Variants in THRB observed in about 807,000 individuals in gnomAD.
THRB encodes nuclear receptor subfamily 1 group A member 2.
Under a neutral mutation model 47.8 loss-of-function variants are expected in THRB, and 12 were observed. The ratio of observed to expected loss-of-function variants is 0.25; its 90% CI spans 0.16 to 0.41. The LOEUF (loss-of-function observed/expected upper bound fraction) is 0.41, where lower values mean the gene tolerates loss of function less well. Ranked by LOEUF, THRB falls within the 10% of genes least tolerant of loss-of-function variation. The probability of loss-of-function intolerance (pLI) is 1.00; values close to 1 mark genes in which losing one functional copy is unlikely to be tolerated. For synonymous variants in THRB, 218 were observed against 212.2 expected (o/e 1.03, Z -0.24); for missense variants, 348 against 589.2 (o/e 0.59, Z 4.24).
At chr3:24,444,255 T>G (rs1471494546) in intron 1 of THRB, among the ~76,000 whole-genome samples, 6 of 152,166 alleles carry the variant, frequency 3.9e-5, no homozygotes, top group Admixed American at 3.9e-4. Context: ...CATTTTTTGA[T>G]TATAATATAA....
intron 2 of THRB, among the ~76,000 whole-genome samples, chr3:24,297,857 G>A (rs2056578259): frequency 6.6e-6 from 1 of 152,172 alleles, no homozygotes; most frequent in African/African-American, 2.4e-5. Context: ...AAATGCCTCA[G>A]GTGATTCCAA....
chr3:24,359,705 T>A (rs2063938089), intron 1 of THRB, among the ~76,000 whole-genome samples: 1 of 152,130 alleles, frequency 6.6e-6, no homozygotes, highest in Non-Finnish European at 1.5e-5. Flanking sequence ...AAACTATAAG[T>A]ATTTTATTTT....
chr3:24,349,691 A>G (rs893068558), intron 1 of THRB, among the ~76,000 whole-genome samples: 1 of 152,120 alleles, frequency 6.6e-6, no homozygotes, highest in African/African-American at 2.4e-5. Flanking sequence ...AGGAAAATCA[A>G]TCCCAGGTGG....
chr3:24,184,957 A>C (rs2042382687), intron 5 of THRB, among the ~76,000 whole-genome samples: 1 of 152,242 alleles, frequency 6.6e-6, no homozygotes, highest in Non-Finnish European at 1.5e-5. Flanking sequence ...ATGAAGGATT[A>C]TAATGCACAC....
chr3:24,122,226 G>C lies in THRB; in HGVS notation c.*658C>G, dbSNP rs2031816868. 6.5e-6 allele frequency: 1 copy of C among 153,600 alleles called. No homozygotes were observed. The highest frequency in any genetic ancestry group is 2.4e-5 in the African/African-American group (1 of 41,444). 9.5% of individuals were successfully genotyped at this position (153,600 alleles called of 1,614,324 possible). ...ATATTTTCCTTGTTGGCCTCCATCAGTCAATACCTGCACATCCTTGAGTCA... is the reference window on the plus strand; with the variant it reads ...ATATTTTCCTTGTTGGCCTCCATCACTCAATACCTGCACATCCTTGAGTCA... On this transcript the variant is annotated 3_prime_UTR_variant, in exon 11 of 11. Transcript: ENST00000646209.
rs750046403 is a variant in THRB at position 24,228,940 on chromosome 3, G to A, written c.20C>T (p.Thr7Ile). The A allele has an allele frequency of 1.9e-6, 3 of 1,610,556 alleles. No homozygotes were observed. The highest frequency in any genetic ancestry group is 2.5e-6 in the Non-Finnish European group (3 of 1,178,188). MTPNSM[T>I]ENGLTAWDKP... ...AAAATGTAAAAAAAAAAAGATACCT[G>A]TCATACTGTTGGGAGTCATAGGTTA... Residue 7 changes from threonine to isoleucine, a missense_variant and splice_region_variant, in exon 4 of 11, where the codon ACA (threonine) becomes ATA (isoleucine). This residue lies in a region of THRB where 148 missense variants were observed against 122.3 expected (regional missense o/e 1.21). Coordinates refer to ENST00000646209, the MANE Select transcript of THRB (RefSeq NM_001354712.2).
intron 1 of THRB, among the ~76,000 whole-genome samples, chr3:24,343,394 A>G (rs2149477108): frequency 6.6e-6 from 1 of 152,346 alleles, no homozygotes; most frequent in Non-Finnish European, 1.5e-5. Context: ...GAAATAAAAA[A>G]GGAGAAAATG....
At chr3:24,403,065 C>G (rs1256531692) in intron 1 of THRB, among the ~76,000 whole-genome samples, 9 of 152,054 alleles carry the variant, frequency 5.9e-5, no homozygotes, top group Non-Finnish European at 4.4e-5. Flanking sequence ...ATTTGTCACA[C>G]AGCAAGAAAA....
In THRB at chr3:24,403,747, C is replaced by T. The variant is rs372924663; in HGVS notation, c.-260-66376G>A. Among the ~76,000 whole-genome samples the T allele has an allele frequency of 8.6e-5, 13 of 151,936 alleles. No individual in the cohort carries two copies. In the South Asian group the frequency reaches 1.0e-3, roughly 12 times the overall value. On this transcript the variant is annotated intron_variant, in intron 1 of 10. Coordinates refer to ENST00000646209, the MANE Select transcript of THRB (RefSeq NM_001354712.2). ...ATTAAGCACAAAATTTTCCAAGTGA[C>T]GAAAGGGCAAGTATACATATGGCAC...
intron 1 of THRB, among the ~76,000 whole-genome samples, chr3:24,438,506 GGTGTGTGTGTGTGT>G (rs145050133): frequency 1.4e-5 from 2 of 145,968 alleles, no homozygotes; most frequent in South Asian, 2.2e-4. Context: ...AGAACAAAAA[GGTGTGTGTGTGTGT>G]GTGTGTGTGT....
chr3:24,387,618 T>C (rs4444656), intron 1 of THRB, among the ~76,000 whole-genome samples: 141,189 of 152,202 alleles, frequency 0.93, 65,756 homozygotes, highest in Non-Finnish European at 0.96. Flanking sequence ...GTGAGTAGCT[T>C]GGTGCCTGGC....
intron 4 of THRB, among the ~76,000 whole-genome samples, chr3:24,212,980 G>A (rs1361944946): frequency 6.6e-6 from 1 of 152,194 alleles, no homozygotes; most frequent in Admixed American, 6.5e-5. Context: ...CCTGGGGAGT[G>A]GCAAACAATG....
chr3:24,472,064 G>A (rs1483656079), intron 1 of THRB, among the ~76,000 whole-genome samples: 1 of 152,130 alleles, frequency 6.6e-6, no homozygotes, highest in Admixed American at 6.5e-5. Context: ...GTCCTACAGA[G>A]TAGGACATTT....
At chr3:24,132,404 A>C (rs1350056769) in intron 9 of THRB, among the ~76,000 whole-genome samples, 1 of 152,260 alleles carries the variant, frequency 6.6e-6, no homozygotes, top group Non-Finnish European at 1.5e-5. Context: ...TAAAAGCAGT[A>C]TTAGCAGTTA....
intron 6 of THRB, among the ~76,000 whole-genome samples, chr3:24,150,665 A>G (rs1188194371): frequency 1.3e-5 from 2 of 152,178 alleles, no homozygotes; most frequent in African/African-American, 4.8e-5. Context: ...GTCAGTCACT[A>G]ATAACGTATT....
At chr3:24,183,402 T>C (rs1436071704) in intron 5 of THRB, among the ~76,000 whole-genome samples, 3 of 145,568 alleles carry the variant, frequency 2.1e-5, no homozygotes, top group South Asian at 4.5e-4. Context: ...AGTCTCACTC[T>C]GTCGCCCAGG....
intron 3 of THRB, among the ~76,000 whole-genome samples, chr3:24,252,911 A>T (rs187423971): frequency 1.3e-5 from 2 of 152,168 alleles, no homozygotes; most frequent in Non-Finnish European, 2.9e-5. Flanking sequence ...AACTAACAAC[A>T]CTGCCTATGA....
chr3:24,210,002 G>A (rs2045853334), intron 4 of THRB, among the ~76,000 whole-genome samples: 1 of 152,096 alleles, frequency 6.6e-6, no homozygotes, highest in African/African-American at 2.4e-5. Context: ...CAGCTTCTGT[G>A]GAGAGAACAG....
chr3:24,208,177 T>C (rs1313604764), intron 4 of THRB, among the ~76,000 whole-genome samples: 2 of 151,472 alleles, frequency 1.3e-5, no homozygotes, highest in East Asian at 1.9e-4. Flanking sequence ...CTACAAACCA[T>C]TGCTCAACAA....
Sources: gnomAD v4.1 joint callset for allele counts (sites outside exome capture counted in the v4.1 genomes callset) on GRCh38, gnomAD v4.1.1 for gene constraint, gnomAD v4.1.1 regional missense constraint, MANE v1.5 for transcripts, NCBI Gene and HGNC (gene_info 2026-07-23, HGNC 2026-07-21) for gene names.